RPS6KC1: variants seen among roughly 807,000 people sequenced by gnomAD.
RPS6KC1 encodes ribosomal protein S6 kinase C1.
RPS6KC1 carries 54 observed loss-of-function variants against 103.8 expected under a neutral mutation model. That is an observed-to-expected ratio of 0.52 (90% CI 0.42 to 0.65). RPS6KC1 has a LOEUF of 0.65. Ranked by LOEUF, RPS6KC1 falls within the 30% of genes least tolerant of loss-of-function variation. The pLI, the probability that RPS6KC1 is intolerant of heterozygous loss-of-function variation, is 0.00. For synonymous variants in RPS6KC1, 439 were observed against 438.7 expected (o/e 1.00, Z -0.01); for missense variants, 1,151 against 1,253.8 (o/e 0.92, Z 1.24).
At chr1:213,818,281 A>G in the RPS6KC1 span, 3 of 152,286 alleles carry the variant, frequency 2.0e-5, no homozygotes, top group African/African-American at 7.2e-5. Flanking sequence ...AAAAGCTTAG[A>G]TAGGCCAAAA....
At chr1:213,699,225 A>G in the RPS6KC1 span, among the ~76,000 whole-genome samples, 1 of 151,740 alleles carries the variant, frequency 6.6e-6, no homozygotes, top group Non-Finnish European at 1.5e-5. Flanking sequence ...CCCATTTCCA[A>G]CCTCTAGTAA....
the RPS6KC1 span, among the ~76,000 whole-genome samples, chr1:213,512,817 C>A: frequency 6.6e-6 from 1 of 152,126 alleles, no homozygotes; most frequent in Non-Finnish European, 1.5e-5. Context: ...TAGTTGCCAC[C>A]CAGCTACCCT....
chr1:213,526,727 G>T, the RPS6KC1 span, among the ~76,000 whole-genome samples: 2 of 152,168 alleles, frequency 1.3e-5, no homozygotes, highest in Non-Finnish European at 2.9e-5. Context: ...AGTGGGGATT[G>T]TAATCTACCT....
the RPS6KC1 span, among the ~76,000 whole-genome samples, chr1:213,482,298 T>G: frequency 6.6e-6 from 1 of 152,156 alleles, no homozygotes; most frequent in African/African-American, 2.4e-5. Context: ...AAAATTTTGT[T>G]TCATTTTGGT....
chr1:213,587,772 C>T, the RPS6KC1 span, among the ~76,000 whole-genome samples: 1 of 152,146 alleles, frequency 6.6e-6, no homozygotes, highest in East Asian at 1.9e-4. Flanking sequence ...CATCCTCCTG[C>T]AAGAAGGCAA....
chr1:213,193,949 G>T (rs1193462652), intron 8 of RPS6KC1, among the ~76,000 whole-genome samples: 1 of 152,142 alleles, frequency 6.6e-6, no homozygotes, highest in African/African-American at 2.4e-5. Flanking sequence ...TTGTTTTGGG[G>T]TCTATTTCTT....
the RPS6KC1 span, among the ~76,000 whole-genome samples, chr1:213,678,139 G>T: frequency 9.1e-4 from 139 of 152,324 alleles, 2 homozygotes; most frequent in East Asian, 0.024. Flanking sequence ...CATGGAACTT[G>T]GTATTAGGTG....
At chr1:213,390,737 T>C in the RPS6KC1 span, among the ~76,000 whole-genome samples, 177 of 152,346 alleles carry the variant, frequency 1.2e-3, no homozygotes, top group African/African-American at 4.0e-3. Flanking sequence ...AAAGGATCTA[T>C]AGACCTCGTG....
chr1:213,413,872 C>CCAGAAATG, the RPS6KC1 span, among the ~76,000 whole-genome samples: 3 of 152,160 alleles, frequency 2.0e-5, no homozygotes, highest in Non-Finnish European at 4.4e-5. Flanking sequence ...ACAAAGACAG[C>CCAGAAATG]CAGAAATGGA....
the RPS6KC1 span, among the ~76,000 whole-genome samples, chr1:213,481,907 T>C: frequency 6.6e-6 from 1 of 152,174 alleles, no homozygotes; most frequent in Non-Finnish European, 1.5e-5. Flanking sequence ...TTCTCATGAA[T>C]GGTTTGGCAC....
At chr1:213,636,156 A>G in the RPS6KC1 span, among the ~76,000 whole-genome samples, 1 of 152,152 alleles carries the variant, frequency 6.6e-6, no homozygotes, top group African/African-American at 2.4e-5. Context: ...ATGCTTATGG[A>G]TAGGAAGAAT....
At chr1:213,527,649 T>C in the RPS6KC1 span, among the ~76,000 whole-genome samples, 1 of 143,584 alleles carries the variant, frequency 7.0e-6, no homozygotes, top group African/African-American at 2.7e-5. Context: ...TTTTGATGTG[T>C]TCTTTTTTTT....
At chr1:213,494,020 G>C in the RPS6KC1 span, among the ~76,000 whole-genome samples, 1 of 152,018 alleles carries the variant, frequency 6.6e-6, no homozygotes, top group Non-Finnish European at 1.5e-5. Flanking sequence ...TCAATCTGTA[G>C]GTAAACAAGC....
At chr1:213,553,143 C>G in the RPS6KC1 span, among the ~76,000 whole-genome samples, 5 of 152,114 alleles carry the variant, frequency 3.3e-5, no homozygotes, top group Admixed American at 6.6e-5. Context: ...GATAGTTTTG[C>G]AATCCTCATT....
chr1:213,216,502 A>G (rs2093664151), intron 8 of RPS6KC1, among the ~76,000 whole-genome samples: 1 of 152,234 alleles, frequency 6.6e-6, no homozygotes, highest in Admixed American at 6.5e-5. Flanking sequence ...AATTGAACTC[A>G]GCTCTGCACC....
chr1:213,637,370 A>G, the RPS6KC1 span, among the ~76,000 whole-genome samples: 31 of 150,770 alleles, frequency 2.1e-4, no homozygotes, highest in African/African-American at 7.1e-4. Flanking sequence ...AACCAACCCA[A>G]ATGTCCATCA....
At chr1:213,275,347 C>T (rs2095110209), downstream of RPS6KC1, among the ~76,000 whole-genome samples, 1 of 152,158 alleles carries the variant, frequency 6.6e-6, no homozygotes, top group Non-Finnish European at 1.5e-5. Context: ...ATATCATTCA[C>T]TATTATTCTA....
chr1:213,120,556 C>T (rs1013638828), intron 5 of RPS6KC1, among the ~76,000 whole-genome samples: 1 of 151,978 alleles, frequency 6.6e-6, no homozygotes, highest in African/African-American at 2.4e-5. Flanking sequence ...CAGCCAAGCC[C>T]CACAGGTACG....
the RPS6KC1 span, among the ~76,000 whole-genome samples, chr1:213,470,796 TAA>T: frequency 6.6e-6 from 1 of 151,890 alleles, no homozygotes; most frequent in Non-Finnish European, 1.5e-5. Context: ...GGCTAATTTT[TAA>T]AGTTTTTGTA....
Sources: allele counts gnomAD v4.1 joint callset (sites outside exome capture counted in the v4.1 genomes callset), GRCh38; gene constraint gnomAD v4.1.1; transcripts MANE v1.5; gene names NCBI Gene and HGNC (gene_info 2026-07-23, HGNC 2026-07-21).